DMD: variants seen among roughly 807,000 people sequenced by gnomAD.
DMD encodes dystrophin.
Under a neutral mutation model 330.1 loss-of-function variants are expected in DMD, and 63 were observed. The observed-to-expected ratio is 0.19, with a 90% confidence interval of 0.16 to 0.24. The LOEUF is 0.24. Among genes scored for constraint, DMD ranks in the 10% least tolerant of loss-of-function variants. DMD has a pLI of 1.00. For missense variants in DMD, 3,344 were observed against 2,684.1 expected (o/e 1.25, Z -5.43); for synonymous variants, 1,223 against 959.8 (o/e 1.27, Z -5.07).
intron 38 of DMD, among the ~76,000 whole-genome samples, chrX:32,347,181 T>A (rs1039363931): frequency 8.9e-6 from 1 of 111,822 alleles, no homozygotes; most frequent in African/African-American, 3.2e-5. Flanking sequence ...AGACACATTA[T>A]ATACTTATCA....
intron 50 of DMD, among the ~76,000 whole-genome samples, chrX:31,817,263 T>C (rs1941588716): frequency 8.9e-6 from 1 of 112,131 alleles, no homozygotes; most frequent in Admixed American, 9.5e-5. Flanking sequence ...TGTAATACAG[T>C]ACATGAAATA....
At chrX:33,188,288 A>G (rs2050358512) in intron 1 of DMD, among the ~76,000 whole-genome samples, 1 of 109,116 alleles carries the variant, frequency 9.2e-6, no homozygotes, top group African/African-American at 3.3e-5. Context: ...AACATCTACT[A>G]TTTTAAAAAA....
intron 1 of DMD, among the ~76,000 whole-genome samples, chrX:33,216,612 T>C (rs748773395): frequency 2.2e-4 from 25 of 112,365 alleles, no homozygotes; most frequent in African/African-American, 7.7e-4. Flanking sequence ...AAGTTGAAAT[T>C]ATTTTGTTAA....
At chrX:33,223,493 G>A (rs2052228074) in intron 1 of DMD, among the ~76,000 whole-genome samples, 1 of 112,332 alleles carries the variant, frequency 8.9e-6, no homozygotes, top group Non-Finnish European at 1.9e-5. Context: ...TCAACTGACT[G>A]ATGTTTGATA....
chrX:31,336,065 T>C (rs1259656366), intron 61 of DMD, among the ~76,000 whole-genome samples: 2 of 112,813 alleles, frequency 1.8e-5, no homozygotes, highest in African/African-American at 6.4e-5. Flanking sequence ...GTGAGGCAGC[T>C]GATGCAATTC....
intron 60 of DMD, among the ~76,000 whole-genome samples, chrX:31,386,681 T>C (rs1569536613): frequency 8.9e-6 from 1 of 112,340 alleles, no homozygotes; most frequent in East Asian, 2.8e-4. Context: ...ACTGAATCAC[T>C]GACTGTATGA....
intron 18 of DMD, among the ~76,000 whole-genome samples, chrX:32,511,264 C>T (rs1406813436): frequency 9.0e-6 from 1 of 110,704 alleles, no homozygotes; most frequent in Non-Finnish European, 1.9e-5. Flanking sequence ...GGGCTCACGC[C>T]TGTAATCCCA....
intron 53 of DMD, among the ~76,000 whole-genome samples, chrX:31,663,153 T>A (rs1429689063): frequency 9.0e-6 from 1 of 111,568 alleles, no homozygotes; most frequent in Non-Finnish European, 1.9e-5. Context: ...AAGATAATTA[T>A]CCCCCTTCTC....
At chrX:32,417,805 G>A (rs754982816) in intron 29 of DMD, among the ~76,000 whole-genome samples, 1 of 104,298 alleles carries the variant, frequency 9.6e-6, no homozygotes, top group Admixed American at 1.0e-4. Flanking sequence ...AAATAAACCC[G>A]AACTTTGTAT....
intron 59 of DMD, among the ~76,000 whole-genome samples, chrX:31,452,770 T>C (rs1284668371): frequency 8.9e-6 from 1 of 112,573 alleles, no homozygotes; most frequent in Non-Finnish European, 1.9e-5. Context: ...AGCCGAATTA[T>C]ATCTTGGCCA....
intron 45 of DMD, among the ~76,000 whole-genome samples, chrX:31,965,230 A>G (rs769350323): frequency 1.8e-5 from 2 of 111,370 alleles, no homozygotes; most frequent in South Asian, 3.7e-4. Flanking sequence ...AATGACTGAA[A>G]CCATAGTAAA....
At chrX:32,407,420 G>C (rs1376004376) in intron 30 of DMD, among the ~76,000 whole-genome samples, 4 of 111,096 alleles carry the variant, frequency 3.6e-5, no homozygotes, top group African/African-American at 1.3e-4. Flanking sequence ...TCAAAACAAC[G>C]AGATACCATC....
intron 1 of DMD, among the ~76,000 whole-genome samples, chrX:33,124,481 A>AAAAAAAC (rs1473957420): frequency 9.7e-4 from 10 of 10,317 alleles, no homozygotes; most frequent in African/African-American, 2.2e-3. Flanking sequence ...TGTCTGAAAA[A>AAAAAAAC]AAAAAAAAAA....
chrX:32,018,480 G>A (rs2095783344), intron 44 of DMD, among the ~76,000 whole-genome samples: 1 of 111,189 alleles, frequency 9.0e-6, no homozygotes, highest in Admixed American at 9.6e-5. Context: ...GAGACTTGGG[G>A]ATTTGTATGT....
intron 44 of DMD, among the ~76,000 whole-genome samples, chrX:31,980,671 TAA>T (rs1048122354): frequency 1.6e-4 from 18 of 111,677 alleles, no homozygotes; most frequent in African/African-American, 5.9e-4. Flanking sequence ...TGCCACAGTA[TAA>T]GTTACTGTCA....
chrX:31,922,530 G>A (rs866938945), intron 47 of DMD, among the ~76,000 whole-genome samples: 1 of 110,313 alleles, frequency 9.1e-6, no homozygotes, highest in Non-Finnish European at 1.9e-5. Context: ...GTGTGTGCGC[G>A]CGCGTGCGCT....
chrX:31,871,945 G>A (rs867816680), intron 48 of DMD, among the ~76,000 whole-genome samples: 3 of 105,907 alleles, frequency 2.8e-5, no homozygotes, highest in African/African-American at 1.0e-4. Context: ...ATTAGTGAAA[G>A]GAATGGAAGC....
chrX:32,041,482 C>T (rs938948012), intron 44 of DMD, among the ~76,000 whole-genome samples: 1 of 112,160 alleles, frequency 8.9e-6, no homozygotes, highest in Admixed American at 9.5e-5. Flanking sequence ...TTCTTAAAAA[C>T]CTTCTGCTTT....
intron 44 of DMD, among the ~76,000 whole-genome samples, chrX:32,147,222 T>C (rs2096782126): frequency 9.0e-6 from 1 of 111,357 alleles, no homozygotes; most frequent in Non-Finnish European, 1.9e-5. Flanking sequence ...TTTGTATTAT[T>C]TTGCAAGTGA....
Sources: allele counts gnomAD v4.1 joint callset (sites outside exome capture counted in the v4.1 genomes callset), GRCh38; gene constraint gnomAD v4.1.1; transcripts MANE v1.5; gene names NCBI Gene and HGNC (gene_info 2026-07-23, HGNC 2026-07-21).